The following ZSCAN18 variants were observed in gnomAD, a reference collection of about 807,000 sequenced individuals.
ZSCAN18 encodes the protein zinc finger and SCAN domain-containing protein 18.
A neutral mutation model predicts 31.1 loss-of-function variants in ZSCAN18; 16 were observed. That is an observed-to-expected ratio of 0.51 (90% CI 0.35 to 0.78). ZSCAN18 has a LOEUF of 0.78. ZSCAN18 is among the 30% of genes least tolerant of loss of function. The pLI is 0.01. For synonymous variants in ZSCAN18, 375 were observed against 320.7 expected (o/e 1.17, Z -1.81); for missense variants, 731 against 697.4 (o/e 1.05, Z -0.54).
chr19:58,086,855 T>C (rs780582218), intron 5 of ZSCAN18, 51 bp downstream of exon 5: 40 of 1,451,406 alleles, frequency 2.8e-5, no homozygotes, highest in Non-Finnish European at 3.1e-5. Context: ...CACCAACCCC[T>C]GCGGAAGGGG....
intron 2 of ZSCAN18, among the ~76,000 whole-genome samples, chr19:58,089,302 CAAAAAAAAAAAAAAAAAAAAAAAAAAA>C (rs374086957): frequency 4.4e-5 from 2 of 45,292 alleles, no homozygotes; most frequent in Non-Finnish European, 7.8e-5. Flanking sequence ...GACTCCGTCT[CAAAAAAAAAAAAAAAAAAAAAAAAAAA>C]AAAAAAAAAG....
rs575130954 is a variant in ZSCAN18 at position 58,085,430 on chromosome 19, G to A, written c.839-51C>T. 1,546 of 1,467,024 alleles carry A rather than the reference G, an allele frequency of 1.1e-3. 2 individuals carry two copies. Among genetic ancestry groups the A allele is most frequent in the Middle Eastern group, 2.2e-3 (9 of 4,068 alleles). The allele number at this position is 1,467,024 out of a possible 1,614,324, so 90.9% of individuals were successfully genotyped here. A position where few individuals can be genotyped will look rare whatever the true frequency, so the allele number is the denominator to read the frequency against. On this transcript the variant is annotated intron_variant, in intron 6 of 6. Transcript: ENST00000601144. Reference sequence around the variant, plus strand: ...TGAGCGCCCCGCCCAGGGCCAGGGAGAGGAGGACCCAGCCGAGCCTCAGCT... The same window carrying A: ...TGAGCGCCCCGCCCAGGGCCAGGGAAAGGAGGACCCAGCCGAGCCTCAGCT...
chr19:58,101,695 T>C (rs2074596022), upstream of ZSCAN18, among the ~76,000 whole-genome samples: 1 of 151,812 alleles, frequency 6.6e-6, no homozygotes. Context: ...AATTTTTGTA[T>C]TTTTAGTAGA....
intron 1 of ZSCAN18, among the ~76,000 whole-genome samples, chr19:58,105,079 C>T (rs1432562594): frequency 6.6e-6 from 1 of 152,118 alleles, no homozygotes; most frequent in Non-Finnish European, 1.5e-5. Flanking sequence ...TTCTGAAAAC[C>T]CTAGGGCCTT....
chr19:58,086,888 G>A lies in ZSCAN18; in HGVS notation c.745+18C>T, dbSNP rs773280508. 10 of 1,604,860 alleles carry A rather than the reference G, an allele frequency of 6.2e-6. No individual in the cohort carries two copies. The African/African-American group carries it at 9.4e-5, about 15-fold the overall frequency. ...GGGATGGGGAGTGGGGCGTGACCCC[G>A]AGGCAGGCGACTCTCACCCCACAGG... On this transcript the variant is annotated intron_variant, in intron 5 of 6. Coordinates refer to ENST00000601144, the MANE Select transcript of ZSCAN18 (RefSeq NM_001145543.2).
chr19:58,103,979 AC>A (rs2074614178), intron 1 of ZSCAN18, among the ~76,000 whole-genome samples: 1 of 152,204 alleles, frequency 6.6e-6, no homozygotes, highest in African/African-American at 2.4e-5. Context: ...AGATCAAACT[AC>A]CCAAAGAGAA....
At chr19:58,092,427 T>C (rs998639863) in intron 1 of ZSCAN18, 1 of 151,630 alleles carries the variant, frequency 6.6e-6, no homozygotes, top group Non-Finnish European at 1.5e-5. Context: ...ATACAAAAAT[T>C]AGCTGGGTGT....
chr19:58,108,012 C>T, intron 1 of ZSCAN18: 4 of 1,027,108 alleles, frequency 3.9e-6, no homozygotes, highest in Non-Finnish European at 4.7e-6. Context: ...AGCCACAGAC[C>T]TTCTCACCAG....
At chr19:58,118,381 C>G in exon 1 of ZSCAN18, 1 of 1,530,922 alleles carries the variant, frequency 6.5e-7, no homozygotes, top group Non-Finnish European at 8.8e-7. Context: ...TCAGCTCGCC[C>G]TCCGACTCTC....
At chr19:58,095,625 T>C (rs1011124968) in intron 1 of ZSCAN18, among the ~76,000 whole-genome samples, 2 of 151,954 alleles carry the variant, frequency 1.3e-5, no homozygotes, top group Non-Finnish European at 2.9e-5. Flanking sequence ...GGGGTCTAGG[T>C]AGAATGAGCA....
At chr19:58,107,983 A>G (rs923621513) in intron 1 of ZSCAN18, 8 of 1,045,836 alleles carry the variant, frequency 7.6e-6, no homozygotes, top group Non-Finnish European at 8.2e-6. Context: ...ATGTTCCTGA[A>G]AAGTTTGACA....
At chr19:58,085,685 T>G in intron 6 of ZSCAN18, 1 of 438,698 alleles carries the variant, frequency 2.3e-6, no homozygotes, top group Non-Finnish European at 4.0e-6. Context: ...ACCTGGCCAC[T>G]AGCTTGGCCA....
intron 1 of ZSCAN18, chr19:58,107,864 C>A: frequency 9.5e-7 from 1 of 1,051,754 alleles, no homozygotes; most frequent in South Asian, 3.8e-5. Flanking sequence ...GAGCATGTAC[C>A]TTCTTGTGCT....
intron 6 of ZSCAN18, 97 bp downstream of exon 6, chr19:58,086,077 T>A: frequency 1.0e-6 from 1 of 976,366 alleles, no homozygotes; most frequent in Non-Finnish European, 1.6e-6. Flanking sequence ...AATGCTGAGG[T>A]CTTTGCTGGG....
chr19:58,103,882 A>G (rs1273612478), intron 1 of ZSCAN18, among the ~76,000 whole-genome samples: 1 of 152,188 alleles, frequency 6.6e-6, no homozygotes, highest in Non-Finnish European at 1.5e-5. Context: ...GGGAAATGAA[A>G]AGTGTGACTC....
chr19:58,103,669 G>C (rs1257419196), intron 1 of ZSCAN18, among the ~76,000 whole-genome samples: 1 of 152,116 alleles, frequency 6.6e-6, no homozygotes, highest in Admixed American at 6.5e-5. Context: ...TATTCCCTGA[G>C]ACAAAACAAT....
chr19:58,085,414 C>G (rs572443135), intron 6 of ZSCAN18, 35 bp from the exon 7 acceptor site: 1 of 1,517,432 alleles, frequency 6.6e-7, no homozygotes, highest in South Asian at 1.2e-5. Context: ...GTGAGCGCCC[C>G]GCCCAGGGCC....
Position 58,087,105 on chromosome 19 carries a change from C to T in ZSCAN18, c.643-97G>A, listed in dbSNP as rs2074296857. The T allele has an allele frequency of 2.6e-6, 3 of 1,154,186 alleles. No homozygotes were observed. In the Admixed American group the frequency reaches 6.7e-5, roughly 26 times the overall value. The allele number at this position is 1,154,186 out of a possible 1,614,324, so 71.5% of individuals were successfully genotyped here. A position where few individuals can be genotyped will look rare whatever the true frequency, so the allele number is the denominator to read the frequency against. ...CACAGGAGCAGGCTAGGAGCCAGCC[C>T]TGGCCAGGGACTCTAACCCAGGTGC... On this transcript the variant is annotated intron_variant, in intron 4 of 6. Transcript: ENST00000601144.
intron 1 of ZSCAN18, among the ~76,000 whole-genome samples, chr19:58,111,028 C>A (rs1212698402): frequency 6.6e-6 from 1 of 152,076 alleles, no homozygotes; most frequent in Non-Finnish European, 1.5e-5. Flanking sequence ...ATGAGCCAGG[C>A]GTGGTGGCGG....
Sources: allele counts gnomAD v4.1 joint callset (sites outside exome capture counted in the v4.1 genomes callset), GRCh38; gene constraint gnomAD v4.1.1; transcripts MANE v1.5; gene names NCBI Gene and HGNC (gene_info 2026-07-23, HGNC 2026-07-21).